NTRK3: variants seen among roughly 807,000 people sequenced by gnomAD.
The protein encoded by NTRK3 is NT-3 growth factor receptor.
NTRK3 carries 24 observed loss-of-function variants against 91.7 expected under a neutral mutation model. The observed-to-expected ratio is 0.26, with a 90% CI of 0.19 to 0.37. The LOEUF (loss-of-function observed/expected upper bound fraction) is 0.37, where lower values mean the gene tolerates loss of function less well. NTRK3 is among the 10% of genes least tolerant of loss of function. The pLI is 1.00. For synonymous variants in NTRK3, 483 were observed against 404.0 expected (o/e 1.20, Z -2.34); for missense variants, 880 against 1,068.9 (o/e 0.82, Z 2.46).
intron 17 of NTRK3, chr15:87,916,266 A>C: frequency 3.0e-6 from 1 of 331,956 alleles, no homozygotes. Context: ...TCTGTATGGA[A>C]ATTTATGTAT....
intron 3 of NTRK3, among the ~76,000 whole-genome samples, chr15:88,203,536 C>T (rs1048047018): frequency 3.9e-5 from 6 of 152,144 alleles, no homozygotes; most frequent in African/African-American, 1.2e-4. Flanking sequence ...AGAGGTTGAG[C>T]GACCTTCTCA....
rs537201545 is a variant in NTRK3, at chr15:88,246,369, A to G, written c.248+9537T>C. On this transcript the variant is annotated intron_variant, in intron 3 of 18. Coordinates refer to ENST00000394480, the Ensembl canonical transcript of NTRK3. Reference sequence around the variant, plus strand: ...GGTTAAGAGAAGGCGCCAAGCTCTCATCTCTAGTCAATGCCAGGACCTGCT... The same window carrying G: ...GGTTAAGAGAAGGCGCCAAGCTCTCGTCTCTAGTCAATGCCAGGACCTGCT... Among the ~76,000 whole-genome samples the G allele has an allele frequency of 1.4e-4, 22 of 152,330 alleles. 1 individual carries two copies. Among genetic ancestry groups the G allele is most frequent in the Non-Finnish European group, 2.9e-4 (20 of 68,022 alleles).
At chr15:88,083,368 A>T (rs2048226498) in intron 13 of NTRK3, among the ~76,000 whole-genome samples, 1 of 152,038 alleles carries the variant, frequency 6.6e-6, no homozygotes, top group African/African-American at 2.4e-5. Flanking sequence ...GATTATAGGC[A>T]CCCACCACCA....
intron 17 of NTRK3, among the ~76,000 whole-genome samples, chr15:87,891,904 T>A (rs981298334): frequency 6.6e-6 from 1 of 152,156 alleles, no homozygotes; most frequent in South Asian, 2.1e-4. Flanking sequence ...TACAGTACAG[T>A]GTCCATGCAA....
chr15:88,118,508 A>G (rs9806762), intron 13 of NTRK3, among the ~76,000 whole-genome samples: 55,714 of 152,138 alleles, frequency 0.37, 10,559 homozygotes, highest in African/African-American at 0.44. Flanking sequence ...ATCCTGTACC[A>G]TGATACTGTA....
In NTRK3 at chr15:87,866,500, T is replaced by G. The variant is rs138328101; in HGVS notation, c.*10435A>C. 496 of 168,456 alleles carry G rather than the reference T, an allele frequency of 2.9e-3. 1 individual carries two copies. Among genetic ancestry groups the G allele is most frequent in the Middle Eastern group, 0.013 (5 of 388 alleles). 10.4% of individuals were successfully genotyped at this position (168,456 alleles called of 1,614,324 possible). ...TATATATCCCATATAATAATAATCA[T>G]ATATACATGGGATTATTTTAATATG... On this transcript the variant is annotated 3_prime_UTR_variant, in exon 19 of 19. Coordinates refer to ENST00000394480, the Ensembl canonical transcript of NTRK3.
intron 18 of NTRK3, among the ~76,000 whole-genome samples, chr15:87,878,468 T>A (rs1447609136): frequency 6.6e-6 from 1 of 152,148 alleles, no homozygotes; most frequent in Non-Finnish European, 1.5e-5. Context: ...GCCTGATAAG[T>A]CTCCAGCTGC....
chr15:88,126,819 T>A (rs2053338517), intron 12 of NTRK3, among the ~76,000 whole-genome samples: 1 of 152,094 alleles, frequency 6.6e-6, no homozygotes, highest in South Asian at 2.1e-4. Flanking sequence ...ATAGTAGGAG[T>A]GGGCGCTTGA....
chr15:87,897,191 G>GATTCTCCC (rs1195875054), intron 17 of NTRK3, among the ~76,000 whole-genome samples: 2 of 152,082 alleles, frequency 1.3e-5, no homozygotes, highest in Admixed American at 6.6e-5. Context: ...GGCCCATTGT[G>GATTCTCCC]ATTCTCCCCA....
intron 13 of NTRK3, among the ~76,000 whole-genome samples, chr15:88,117,482 T>C (rs1388411555): frequency 6.6e-6 from 1 of 152,210 alleles, no homozygotes; most frequent in Non-Finnish European, 1.5e-5. Context: ...TTCATCACCA[T>C]TCAGGATAGA....
intron 13 of NTRK3, among the ~76,000 whole-genome samples, chr15:88,088,332 T>A (rs2048697122): frequency 6.6e-6 from 1 of 152,190 alleles, no homozygotes; most frequent in East Asian, 1.9e-4. Context: ...AGTATTAGAA[T>A]AATGTCATGA....
chr15:87,974,623 C>T (rs1196528282), intron 14 of NTRK3, among the ~76,000 whole-genome samples: 1 of 152,118 alleles, frequency 6.6e-6, no homozygotes, highest in Non-Finnish European at 1.5e-5. Context: ...ATGATGAGTC[C>T]TCCCCAATAT....
chr15:88,097,266 G>A (rs747825076), intron 13 of NTRK3, among the ~76,000 whole-genome samples: 17 of 152,242 alleles, frequency 1.1e-4, no homozygotes, highest in African/African-American at 1.7e-4. Context: ...TTAAAGAGGT[G>A]TGTCAGAGAA....
chr15:88,002,333 A>G (rs1406533441), intron 14 of NTRK3, among the ~76,000 whole-genome samples: 1 of 152,130 alleles, frequency 6.6e-6, no homozygotes, highest in Admixed American at 6.5e-5. Context: ...AGGATGGATA[A>G]TGGAAGGCCT....
intron 3 of NTRK3, among the ~76,000 whole-genome samples, chr15:88,219,842 G>A (rs957785795): frequency 9.9e-5 from 15 of 152,186 alleles, no homozygotes; most frequent in African/African-American, 3.4e-4. Flanking sequence ...CCTCTGAGAT[G>A]GGCAGCATTA....
chr15:87,987,862 G>C (rs549704408), intron 14 of NTRK3, among the ~76,000 whole-genome samples: 1 of 151,602 alleles, frequency 6.6e-6, no homozygotes, highest in African/African-American at 2.4e-5. Flanking sequence ...GGGTGACACA[G>C]TGAGAATCTG....
At chr15:87,972,643 C>T (rs927412917) in intron 14 of NTRK3, among the ~76,000 whole-genome samples, 13 of 152,146 alleles carry the variant, frequency 8.5e-5, no homozygotes, top group Non-Finnish European at 1.9e-4. Flanking sequence ...TTAAGAGAAG[C>T]TTTGAGAGGA....
chr15:88,009,656 CCTGT>C (rs2076733976), intron 14 of NTRK3, among the ~76,000 whole-genome samples: 1 of 152,176 alleles, frequency 6.6e-6, no homozygotes, highest in African/African-American at 2.4e-5. Context: ...TGTTTTGCAA[CCTGT>C]CTATCTTCCA....
At chr15:88,033,118 ACCC>A in intron 13 of NTRK3, 73 bp from the exon 14 acceptor site, 1 of 1,356,698 alleles carries the variant, frequency 7.4e-7, no homozygotes, top group South Asian at 1.3e-5. Flanking sequence ...TCCACAGACA[ACCC>A]CCAACTACTG....
Sources: gnomAD v4.1 joint callset for allele counts (sites outside exome capture counted in the v4.1 genomes callset) on GRCh38, gnomAD v4.1.1 for gene constraint, MANE v1.5 for transcripts, NCBI Gene and HGNC (gene_info 2026-07-23, HGNC 2026-07-21) for gene names.